PLXNA4: variants seen among roughly 807,000 people sequenced by gnomAD.
The protein encoded by PLXNA4 is plexin A4.
PLXNA4 carries 44 observed loss-of-function variants against 191.8 expected under a neutral mutation model. The observed-to-expected ratio is 0.23, with a 90% CI of 0.18 to 0.29. The LOEUF (loss-of-function observed/expected upper bound fraction) is 0.29, where lower values mean the gene tolerates loss of function less well. PLXNA4 is among the 10% of genes least tolerant of loss of function. The pLI is 1.00. For missense variants in PLXNA4, 1,800 were observed against 2,488.8 expected, an observed-to-expected ratio of 0.72 and a Z score of 5.89; for synonymous variants, 1,082 against 1,009.5, an observed-to-expected ratio of 1.07 and a Z score of -1.36.
At chr7:132,324,876 A>G (rs1315080578) in intron 3 of PLXNA4, among the ~76,000 whole-genome samples, 1 of 152,154 alleles carries the variant, frequency 6.6e-6, no homozygotes, top group African/African-American at 2.4e-5. Flanking sequence ...AGGTGACTGG[A>G]AAGGTATCTG....
intron 3 of PLXNA4, among the ~76,000 whole-genome samples, chr7:132,438,883 A>C (rs1054569562): frequency 6.6e-6 from 1 of 152,230 alleles, no homozygotes; most frequent in Non-Finnish European, 1.5e-5. Context: ...CTAGACAGTA[A>C]GTCATCGATG....
chr7:132,181,225 G>A (rs1796691319), intron 18 of PLXNA4, among the ~76,000 whole-genome samples, 156 bp downstream of exon 18: 1 of 152,176 alleles, frequency 6.6e-6, no homozygotes, highest in South Asian at 2.1e-4. Flanking sequence ...TCCCAGTACA[G>A]ACTCAGAGAG....
At chr7:132,647,634 TAC>T (rs549263556) in intron 1 of PLXNA4, among the ~76,000 whole-genome samples, 57 of 151,732 alleles carry the variant, frequency 3.8e-4, no homozygotes, top group African/African-American at 1.2e-3. Context: ...CATGCTATCA[TAC>T]ACACATACAC....
intron 5 of PLXNA4, among the ~76,000 whole-genome samples, chr7:132,238,811 AAG>A (rs1491324326): frequency 6.6e-5 from 10 of 151,396 alleles, no homozygotes; most frequent in African/African-American, 2.4e-4. Context: ...ACAGAGTCAC[AAG>A]AGGGGGGGGG....
chr7:132,169,229 T>A (rs56875671), intron 21 of PLXNA4, among the ~76,000 whole-genome samples: 52,568 of 151,886 alleles, frequency 0.35, 10,702 homozygotes, highest in African/African-American at 0.56. Flanking sequence ...AGGGACTCTC[T>A]CTAAGACCCT....
At chr7:132,458,469 T>C (rs1458218003) in intron 3 of PLXNA4, among the ~76,000 whole-genome samples, 1 of 151,898 alleles carries the variant, frequency 6.6e-6, no homozygotes, top group African/African-American at 2.4e-5. Flanking sequence ...CACAACGGAA[T>C]GCTACACAGC....
At chr7:132,198,460 C>T in intron 13 of PLXNA4, 25 bp downstream of exon 13, 1 of 1,610,780 alleles carries the variant, frequency 6.2e-7, no homozygotes, top group Non-Finnish European at 8.5e-7. Flanking sequence ...CCTGTTCCTC[C>T]TGTGTTGCAT....
chr7:132,474,218 A>T (rs1440854311), intron 3 of PLXNA4, among the ~76,000 whole-genome samples: 8 of 22,862 alleles, frequency 3.5e-4, no homozygotes, highest in South Asian at 1.9e-3. Context: ...TCTGTCTCAC[A>T]CACACACACA....
At chr7:132,621,252 T>G (rs1364189387) in intron 2 of PLXNA4, among the ~76,000 whole-genome samples, 2 of 126,168 alleles carry the variant, frequency 1.6e-5, no homozygotes, top group African/African-American at 3.0e-5. Flanking sequence ...TTTTGTTTTT[T>G]TTTTTTGGTT....
intron 26 of PLXNA4, 129 bp from the exon 27 acceptor site, chr7:132,148,128 G>A (rs766859434): frequency 3.6e-6 from 5 of 1,373,002 alleles, no homozygotes; most frequent in South Asian, 1.3e-5. Context: ...GGACTTTGGA[G>A]GCTGTCAGCT....
intron 1 of PLXNA4, among the ~76,000 whole-genome samples, chr7:132,545,868 C>T (rs549433477): frequency 6.6e-6 from 1 of 152,324 alleles, no homozygotes; most frequent in African/African-American, 2.4e-5. Context: ...CTGGACCCTG[C>T]AGGAGGTGGC....
At chr7:132,636,466 T>G (rs1207692041) in intron 2 of PLXNA4, among the ~76,000 whole-genome samples, 2 of 152,088 alleles carry the variant, frequency 1.3e-5, no homozygotes, top group African/African-American at 4.8e-5. Flanking sequence ...AGAGACCACA[T>G]CAAGGAAGAG....
chr7:132,413,922 C>T (rs531330848), intron 3 of PLXNA4, among the ~76,000 whole-genome samples: 8 of 152,206 alleles, frequency 5.3e-5, no homozygotes, highest in Non-Finnish European at 7.4e-5. Flanking sequence ...GCTGTGCTCA[C>T]AAAAAAAGGT....
intron 3 of PLXNA4, among the ~76,000 whole-genome samples, chr7:132,341,486 T>C (rs1018999183): frequency 6.6e-6 from 1 of 152,206 alleles, no homozygotes; most frequent in Non-Finnish European, 1.5e-5. Context: ...ACAATGGCAT[T>C]AAAGCCCTTC....
chr7:132,550,985 C>T (rs1213979987), intron 1 of PLXNA4, among the ~76,000 whole-genome samples: 2 of 152,210 alleles, frequency 1.3e-5, no homozygotes, highest in Admixed American at 6.5e-5. Flanking sequence ...AGCACCCACT[C>T]GGTCCTCCGT....
At chr7:132,404,094 G>T (rs1386070371) in intron 3 of PLXNA4, among the ~76,000 whole-genome samples, 1 of 152,050 alleles carries the variant, frequency 6.6e-6, no homozygotes, top group East Asian at 1.9e-4. Flanking sequence ...GTTTCCACGG[G>T]TCCCCAAGCA....
rs1491146867 is a variant in PLXNA4, at chr7:132,126,102, A to AGAT, written c.*4374_*4376dup. On this transcript the variant is annotated 3_prime_UTR_variant, in exon 32 of 32. Transcript: ENST00000321063. ...TCCCCTTGGTCCTGGGAAAGAAGAC[A>AGAT]GATGGAAATTGAGCTTTTCTTTTTA... 1 of 152,508 alleles carries AGAT rather than the reference A, an allele frequency of 6.6e-6. No individual in the cohort carries two copies. Among genetic ancestry groups the AGAT allele is most frequent in the African/African-American group, 2.4e-5 (1 of 41,476 alleles). The allele number at this position is 152,508 out of a possible 1,614,324, so 9.4% of individuals were successfully genotyped here.
chr7:132,136,541 A>G (rs1194375058), intron 30 of PLXNA4, among the ~76,000 whole-genome samples: 1 of 152,172 alleles, frequency 6.6e-6, no homozygotes, highest in Non-Finnish European at 1.5e-5. Context: ...AGGTCCTGAC[A>G]TCAGGCCTCT....
In PLXNA4 at chr7:132,167,149, A is replaced by G. The variant is rs56911268; in HGVS notation, c.4286+1155T>C. ...CTTCAGATATGCCAAGGCCAAAGGT[A>G]TTGGAATAATGGCCTAGAGGAGAAA... On this transcript the variant is annotated intron_variant, in intron 22 of 31. Transcript: ENST00000321063. Among the ~76,000 whole-genome samples, 714 of 152,344 alleles carry G rather than the reference A, an allele frequency of 4.7e-3. 6 individuals carry two copies. Among genetic ancestry groups the G allele is most frequent in the African/African-American group, 0.017 (693 of 41,580 alleles).
Sources: allele counts gnomAD v4.1 joint callset (sites outside exome capture counted in the v4.1 genomes callset), GRCh38; gene constraint gnomAD v4.1.1; transcripts MANE v1.5; gene names NCBI Gene and HGNC (gene_info 2026-07-23, HGNC 2026-07-21).